The following CCDC163 variants were observed in gnomAD, a reference collection of about 807,000 sequenced individuals.
CCDC163 encodes the protein CCDC163 homolog, also known as transmembrane protein CCDC163.
Under a neutral mutation model 8.2 loss-of-function variants are expected in CCDC163, and 13 were observed. The observed-to-expected ratio is 1.59, with a 90% CI of 1.04 to 2.54. The LOEUF (loss-of-function observed/expected upper bound fraction) is 2.54. Among genes scored for constraint, CCDC163 ranks in the 30% most tolerant of loss-of-function variants. The pLI, the probability that CCDC163 is intolerant of heterozygous loss-of-function variation, is 0.00. For missense variants in CCDC163, 117 were observed against 78.6 expected (o/e 1.49, Z -1.85); for synonymous variants, 41 against 30.9 (o/e 1.33, Z -1.08).
chr1:45,497,348 C>T lies in CCDC163; in HGVS notation c.213G>A (p.Glu71=), dbSNP rs1312408392. ...ATTCCTTCTGCATAATCTCTGACTC[C>T]TCCCACAGCACTGCAGGAGTGACAG... ...STAVTPAVLW[E]ESEIMQKELK... Residue 71 remains glutamate (E), a synonymous_variant, in exon 3 of 5, where the codon GAG becomes GAA. Transcript: ENST00000629482. 2 of 780,110 alleles carry T rather than the reference C, an allele frequency of 2.6e-6. No homozygotes were observed. The highest frequency in any genetic ancestry group is 2.3e-4 in the Middle Eastern group (1 of 4,440). 48.3% of individuals were successfully genotyped at this position (780,110 alleles called of 1,614,324 possible).
At position 45,494,069 on chromosome 1, in the gene CCDC163, T is replaced by G. The variant is rs1211373467; in HGVS notation, c.*990A>C. ...GCCACTGGATTAGAGGCAGAGAGAC[T>G]GAAAGAAGAGACCAGGGAAGAGGCT... On this transcript the variant is annotated 3_prime_UTR_variant, in exon 5 of 5. Transcript: ENST00000629482. 2 of 152,140 alleles carry G rather than the reference T, an allele frequency of 1.3e-5. No individual in the cohort carries two copies. The highest frequency in any genetic ancestry group is 4.8e-5 in the African/African-American group (2 of 41,406). The allele number at this position is 152,140 out of a possible 1,614,324, so 9.4% of individuals were successfully genotyped here. A position where few individuals can be genotyped will look rare whatever the true frequency, so the allele number is the denominator to read the frequency against.
chr1:45,499,848 G>C lies in CCDC163; in HGVS notation c.-239C>G. On this transcript the variant is annotated 5_prime_UTR_variant, in exon 1 of 5. Coordinates refer to ENST00000629482, the MANE Select transcript of CCDC163 (RefSeq NM_001102601.3). ...GAAAAGCGGGATACCGTGATGATAC[G>C]CAGATATCAGGTGGGGATTGAAGGT... is the stretch of plus-strand genomic sequence containing the variant. 1 of 559,100 alleles carries C rather than the reference G, an allele frequency of 1.8e-6. No individual in the cohort carries two copies. Among genetic ancestry groups the C allele is most frequent in the Non-Finnish European group, 3.2e-6 (1 of 311,512 alleles). 34.6% of individuals were successfully genotyped at this position (559,100 alleles called of 1,614,324 possible). A position where few individuals can be genotyped will look rare whatever the true frequency, so the allele number is the denominator to read the frequency against.
Position 45,499,925 on chromosome 1 carries a change from C to A in CCDC163, c.-316G>T. On this transcript the variant is annotated 5_prime_UTR_variant, in exon 1 of 5. Transcript: ENST00000629482. ...GAAGTAGTACACTGGCGCCACCACG[C>A]CAAACCTGTGCCAGTGACAACTGCC... The A allele has an allele frequency of 4.1e-6, 2 of 491,850 alleles. No individual in the cohort carries two copies. The highest frequency in any genetic ancestry group is 3.3e-5 in the Admixed American group (1 of 30,444). 30.5% of individuals were successfully genotyped at this position (491,850 alleles called of 1,614,324 possible).
intron 2 of CCDC163, among the ~76,000 whole-genome samples, 160 bp from the exon 3 acceptor site, chr1:45,497,543 G>A (rs567549524): frequency 6.7e-6 from 1 of 148,194 alleles, no homozygotes; most frequent in Admixed American, 6.9e-5. Context: ...ATGGCGCCCA[G>A]GCTGGAGTGC....
intron 2 of CCDC163, among the ~76,000 whole-genome samples, chr1:45,498,244 C>A (rs370801624): frequency 2.6e-5 from 4 of 151,920 alleles, no homozygotes; most frequent in East Asian, 3.9e-4. Flanking sequence ...CAAACACTGC[C>A]GAAGGCCGCA....
Position 45,498,473 on chromosome 1 carries a change from G to A in CCDC163, c.177+872C>T, listed in dbSNP as rs150376944. ...CTGCAGCTCCTGAGGAAGGCCATTG[G>A]TAGTACTGCATTCTCCTGGTCCTGT... On this transcript the variant is annotated intron_variant, in intron 2 of 4. Coordinates refer to ENST00000629482, the MANE Select transcript of CCDC163 (RefSeq NM_001102601.3). 4.9e-3 allele frequency: 751 copies of A among 151,896 alleles called. 5 individuals carry two copies. The highest frequency in any genetic ancestry group is 7.4e-3 in the Non-Finnish European group (510 of 68,564). 9.4% of individuals were successfully genotyped at this position (151,896 alleles called of 1,614,324 possible).
chr1:45,497,538 G>A (rs183867951), intron 2 of CCDC163, among the ~76,000 whole-genome samples, 155 bp from the exon 3 acceptor site: 3 of 148,354 alleles, frequency 2.0e-5, no homozygotes, highest in East Asian at 2.0e-4. Flanking sequence ...GCTCAATGGC[G>A]CCCAGGCTGG....
Position 45,499,635 on chromosome 1 carries a change from G to T in CCDC163, c.-26C>A. 1.3e-6 allele frequency: 1 copy of T among 743,648 alleles called. No homozygotes were observed. The highest frequency in any genetic ancestry group is 2.5e-5 in the East Asian group (1 of 39,224). The allele number at this position is 743,648 out of a possible 1,614,324, so 46.1% of individuals were successfully genotyped here. On this transcript the variant is annotated 5_prime_UTR_variant, in exon 1 of 5. Coordinates refer to ENST00000629482, the MANE Select transcript of CCDC163 (RefSeq NM_001102601.3). ...ATCCTGTGGCAGGGGAGCGGCAGGG[G>T]TCTGGCTCCCTGGTGTCTTGTGCTT...
chr1:45,495,824 G>A (rs1237535773), intron 4 of CCDC163, among the ~76,000 whole-genome samples: 1 of 151,968 alleles, frequency 6.6e-6, no homozygotes, highest in Non-Finnish European at 1.5e-5. Context: ...CCGCCATCAT[G>A]CCCGGCTAAT....
intron 2 of CCDC163, among the ~76,000 whole-genome samples, chr1:45,497,684 GCCACC>G (rs1643362093): frequency 8.7e-5 from 6 of 68,958 alleles, no homozygotes; most frequent in African/African-American, 2.4e-4. Context: ...CCGCCCGGCA[GCCACC>G]CCGTCCGGGA....
At position 45,499,812 on chromosome 1, in the gene CCDC163, G is replaced by A. The variant is rs1464039495; in HGVS notation, c.-203C>T. Reference sequence around the variant, plus strand: ...ACTAGGGAAAGGAAGGACGCTCTTGGGGAACTGGGGGAAAAGCGGGATACC... The same window carrying A: ...ACTAGGGAAAGGAAGGACGCTCTTGAGGAACTGGGGGAAAAGCGGGATACC... On this transcript the variant is annotated 5_prime_UTR_variant, in exon 1 of 5. Transcript: ENST00000629482. The A allele has an allele frequency of 1.0e-5, 6 of 589,886 alleles. No homozygotes were observed. The highest frequency in any genetic ancestry group is 1.5e-5 in the Non-Finnish European group (5 of 330,942). 36.5% of individuals were successfully genotyped at this position (589,886 alleles called of 1,614,324 possible).
In CCDC163 at chr1:45,499,963, A is replaced by G. The variant is rs1643497207; in HGVS notation, c.-354T>C. The stretch of plus-strand genomic sequence containing the variant: ...AGTGACAACTGCCGCCGCCGGGTTC[A>G]AAACTTCGGGTTGGTTTTGAAAGTC... On this transcript the variant is annotated 5_prime_UTR_variant, in exon 1 of 5. Coordinates refer to ENST00000629482, the MANE Select transcript of CCDC163 (RefSeq NM_001102601.3). 2.0e-6 allele frequency: 1 copy of G among 488,150 alleles called. No homozygotes were observed. Among genetic ancestry groups the G allele is most frequent in the Non-Finnish European group, 3.7e-6 (1 of 266,772 alleles). The allele number at this position is 488,150 out of a possible 1,614,324, so 30.2% of individuals were successfully genotyped here.
Position 45,494,348 on chromosome 1 carries a change from T to C in CCDC163, c.*711A>G, listed in dbSNP as rs1045531791. Reference sequence around the variant, plus strand: ...TAGCGTGTGCCTGTAGTCCCATATATTATTACTTGGGGGGCTAAGGTGGGA... The same window carrying C: ...TAGCGTGTGCCTGTAGTCCCATATACTATTACTTGGGGGGCTAAGGTGGGA... On this transcript the variant is annotated 3_prime_UTR_variant, in exon 5 of 5. Transcript: ENST00000629482. 1 of 152,052 alleles carries C rather than the reference T, an allele frequency of 6.6e-6. No homozygotes were observed. The highest frequency in any genetic ancestry group is 1.5e-5 in the Non-Finnish European group (1 of 68,270). 9.4% of individuals were successfully genotyped at this position (152,052 alleles called of 1,614,324 possible).
In CCDC163 at chr1:45,499,646, T is replaced by C. The variant is rs930349408; in HGVS notation, c.-37A>G. 5.4e-6 allele frequency: 4 copies of C among 734,564 alleles called. No individual in the cohort carries two copies. Among genetic ancestry groups the C allele is most frequent in the Admixed American group, 3.9e-5 (2 of 51,454 alleles). The allele number at this position is 734,564 out of a possible 1,614,324, so 45.5% of individuals were successfully genotyped here. ...GGGGAGCGGCAGGGGTCTGGCTCCC[T>C]GGTGTCTTGTGCTTGCTCTCCTAGC... is the stretch of plus-strand genomic sequence containing the variant. On this transcript the variant is annotated 5_prime_UTR_variant, in exon 1 of 5. Transcript: ENST00000629482.
intron 2 of CCDC163, 33 bp from the exon 3 acceptor site, chr1:45,497,416 G>T: frequency 1.3e-6 from 1 of 774,486 alleles, no homozygotes; most frequent in Non-Finnish European, 2.4e-6. Context: ...GAGTAAGAAG[G>T]CAAGTAGAGT....
In CCDC163 at chr1:45,495,184, G is replaced by C. The variant is rs774038555; in HGVS notation, c.331-18C>G. 17 of 780,802 alleles carry C rather than the reference G, an allele frequency of 2.2e-5. 1 individual carries two copies. The Admixed American group carries it at 2.9e-4, about 13-fold the overall frequency. 48.4% of individuals were successfully genotyped at this position (780,802 alleles called of 1,614,324 possible). A position where few individuals can be genotyped will look rare whatever the true frequency, so the allele number is the denominator to read the frequency against. On this transcript the variant is annotated intron_variant, in intron 4 of 4. Coordinates refer to ENST00000629482, the MANE Select transcript of CCDC163 (RefSeq NM_001102601.3). ...CTGGGGATCTAAGAGGAAAGAAAAG[G>C]GAAGAGAAAACAAGTCATCAGCAAG...
Position 45,497,032 on chromosome 1 carries a change from G to T in CCDC163, c.262+267C>A, listed in dbSNP as rs189104677. Among the ~76,000 whole-genome samples, 751 of 152,204 alleles carry T rather than the reference G, an allele frequency of 4.9e-3. 5 individuals are homozygous for T. The highest frequency in any genetic ancestry group is 7.5e-3 in the Non-Finnish European group (509 of 68,012). On this transcript the variant is annotated intron_variant, in intron 3 of 4. Transcript: ENST00000629482. Reference sequence around the variant, plus strand: ...TAAAAATATGAAAAAAAGTGGCTGGGCATGGTGGCGGGCACCTGTAATCCC... The same window carrying T: ...TAAAAATATGAAAAAAAGTGGCTGGTCATGGTGGCGGGCACCTGTAATCCC...
Position 45,499,669 on chromosome 1 carries a change from A to G in CCDC163, c.-60T>C. On this transcript the variant is annotated 5_prime_UTR_variant, in exon 1 of 5. Transcript: ENST00000629482. ...CCTGGTGTCTTGTGCTTGCTCTCCTAGCGGGGGATACCCAAGGTATCCCCA... is the reference window on the plus strand; with the variant it reads ...CCTGGTGTCTTGTGCTTGCTCTCCTGGCGGGGGATACCCAAGGTATCCCCA... 3 of 716,508 alleles carry G rather than the reference A, an allele frequency of 4.2e-6. No homozygotes were observed. The highest frequency in any genetic ancestry group is 7.8e-6 in the Non-Finnish European group (3 of 384,634). The allele number at this position is 716,508 out of a possible 1,614,324, so 44.4% of individuals were successfully genotyped here. A position where few individuals can be genotyped will look rare whatever the true frequency, so the allele number is the denominator to read the frequency against.
chr1:45,499,784 G>A lies in CCDC163; in HGVS notation c.-175C>T. 1.7e-6 allele frequency: 1 copy of A among 604,408 alleles called. No individual in the cohort carries two copies. The highest frequency in any genetic ancestry group is 4.0e-4 in the Middle Eastern group (1 of 2,498). 37.4% of individuals were successfully genotyped at this position (604,408 alleles called of 1,614,324 possible). A position where few individuals can be genotyped will look rare whatever the true frequency, so the allele number is the denominator to read the frequency against. ...ACTATCAGACCAAAACTGCGATCCTGTGACTAGGGAAAGGAAGGACGCTCT... is the reference window on the plus strand; with the variant it reads ...ACTATCAGACCAAAACTGCGATCCTATGACTAGGGAAAGGAAGGACGCTCT... On this transcript the variant is annotated 5_prime_UTR_variant, in exon 1 of 5. Transcript: ENST00000629482.
Sources: allele counts gnomAD v4.1 joint callset (sites outside exome capture counted in the v4.1 genomes callset), GRCh38; gene constraint gnomAD v4.1.1; transcripts MANE v1.5; gene names NCBI Gene and HGNC (gene_info 2026-07-23, HGNC 2026-07-21).